The following NTRK1 variants were observed in gnomAD, a reference collection of about 807,000 sequenced individuals.
NTRK1 encodes the protein high affinity nerve growth factor receptor.
In NTRK1, 62 loss-of-function variants were observed where a neutral mutation model predicts 86.8. That is an observed-to-expected ratio of 0.71 (90% confidence interval 0.58 to 0.88). The LOEUF (loss-of-function observed/expected upper bound fraction) is 0.88. Among genes scored for constraint, NTRK1 ranks in the 40% least tolerant of loss-of-function variants. NTRK1 has a pLI of 0.00. For missense variants in NTRK1, 967 were observed against 1,078.4 expected (o/e 0.90, Z 1.45); for synonymous variants, 469 against 456.6 (o/e 1.03, Z -0.35).
chr1:156,846,988 A>T (rs1349901899), intron 2 of NTRK1, among the ~76,000 whole-genome samples: 1 of 152,212 alleles, frequency 6.6e-6, no homozygotes, highest in Non-Finnish European at 1.5e-5. Flanking sequence ...TTAGCAGGGA[A>T]TATCAAGTTC....
intron 1 of NTRK1, among the ~76,000 whole-genome samples, chr1:156,828,776 G>A (rs998526564): frequency 1.3e-5 from 2 of 152,238 alleles, no homozygotes; most frequent in African/African-American, 4.8e-5. Flanking sequence ...AATCCCGGAA[G>A]CCCTCTGAGC....
At chr1:156,837,534 AG>A (rs1387692975) in intron 1 of NTRK1, among the ~76,000 whole-genome samples, 1 of 152,218 alleles carries the variant, frequency 6.6e-6, no homozygotes, top group Non-Finnish European at 1.5e-5. Context: ...GTGCAAAGAA[AG>A]GGGGTGGACA....
At chr1:156,838,471 C>A (rs1412226472) in intron 1 of NTRK1, among the ~76,000 whole-genome samples, 1 of 151,738 alleles carries the variant, frequency 6.6e-6, no homozygotes, top group Non-Finnish European at 1.5e-5. Flanking sequence ...TACTGTTCTG[C>A]CTCTGTGGTA....
rs369193041 is a variant in NTRK1, at chr1:156,875,483, G to A, written c.1355-37G>A. The A allele has an allele frequency of 3.7e-4, 596 of 1,612,858 alleles. 1 individual carries two copies. The highest frequency in any genetic ancestry group is 4.4e-4 in the Non-Finnish European group (515 of 1,179,980). On this transcript the variant is annotated intron_variant, in intron 11 of 16. Coordinates refer to ENST00000524377, the MANE Select transcript of NTRK1 (RefSeq NM_002529.4). Reference sequence around the variant, plus strand: ...GCAAGGGTGGGCAGGGCCAAGGTGTGGGCAAACCCCTCCATGCGGCTGTGT... The same window carrying A: ...GCAAGGGTGGGCAGGGCCAAGGTGTAGGCAAACCCCTCCATGCGGCTGTGT...
intron 1 of NTRK1, among the ~76,000 whole-genome samples, chr1:156,835,337 G>A (rs532327760): frequency 2.0e-5 from 3 of 152,264 alleles, no homozygotes; most frequent in South Asian, 4.1e-4. Flanking sequence ...ATGTGACAGA[G>A]CCCGCGATAC....
intron 1 of NTRK1, among the ~76,000 whole-genome samples, chr1:156,819,066 T>G (rs111883670): frequency 0.07 from 10,660 of 151,952 alleles, 709 homozygotes; most frequent in African/African-American, 0.17. Flanking sequence ...GCAATGGCGC[T>G]ATCTCGGCTC....
At chr1:156,827,500 G>A (rs1257501117) in intron 1 of NTRK1, among the ~76,000 whole-genome samples, 1 of 152,086 alleles carries the variant, frequency 6.6e-6, no homozygotes, top group Non-Finnish European at 1.5e-5. Context: ...GACCTCAGGT[G>A]ATCCATACAC....
In NTRK1 at chr1:156,854,848, T is replaced by A. The variant is rs1056996788; in HGVS notation, c.51-9506T>A. On this transcript the variant is annotated intron_variant, in intron 2 of 16. Transcript: ENST00000392302. This position sits in a 1 kb window ranked among gnomAD's most constrained non-coding sequence, Gnocchi z 4.2. ...AGCCAGAGTGATCTCAAAACACAGATGGATCACGTTTCTCCTCTGCTTATA... is the reference window on the plus strand; with the variant it reads ...AGCCAGAGTGATCTCAAAACACAGAAGGATCACGTTTCTCCTCTGCTTATA... 6.6e-6 allele frequency among the ~76,000 whole-genome samples: 1 copy of A among 152,118 alleles called. No homozygotes were observed. The highest frequency in any genetic ancestry group is 2.4e-5 in the African/African-American group (1 of 41,418).
chr1:156,864,890 C>G (rs1267199079), intron 3 of NTRK1, 91 bp downstream of exon 3: 2 of 1,283,306 alleles, frequency 1.6e-6, no homozygotes, highest in Non-Finnish European at 1.1e-6. Flanking sequence ...GGAATGATTG[C>G]GAGGAGGGCC....
Position 156,854,439 on chromosome 1 carries a change from T to G in NTRK1, c.51-9915T>G. 1.0e-6 allele frequency: 1 copy of G among 962,652 alleles called. No individual in the cohort carries two copies. Among genetic ancestry groups the G allele is most frequent in the Non-Finnish European group, 1.5e-6 (1 of 665,134 alleles). 59.6% of individuals were successfully genotyped at this position (962,652 alleles called of 1,614,324 possible). A position where few individuals can be genotyped will look rare whatever the true frequency, so the allele number is the denominator to read the frequency against. ...GCCGGGCTCTGCTCTGGGTGTGGGG[T>G]GGCCTCCTTCCTGGGCCCCGGAGGG... On this transcript the variant is annotated intron_variant, in intron 2 of 16. Coordinates refer to the NTRK1 transcript ENST00000392302. This position sits in a 1 kb window ranked among gnomAD's most constrained non-coding sequence, Gnocchi z 4.2.
intron 1 of NTRK1, among the ~76,000 whole-genome samples, chr1:156,820,154 G>T (rs1390779293): frequency 6.6e-6 from 1 of 152,140 alleles, no homozygotes; most frequent in Non-Finnish European, 1.5e-5. Flanking sequence ...TTTTGTATAA[G>T]GAGAGAGATG....
intron 15 of NTRK1, 86 bp from the exon 16 acceptor site, chr1:156,879,913 T>C (rs1648153607): frequency 6.4e-7 from 1 of 1,558,964 alleles, no homozygotes; most frequent in African/African-American, 1.4e-5. Flanking sequence ...TGTGTATTTA[T>C]TTTTAATGAT....
At chr1:156,828,480 G>A (rs948315838) in intron 1 of NTRK1, among the ~76,000 whole-genome samples, 4 of 152,230 alleles carry the variant, frequency 2.6e-5, no homozygotes, top group Admixed American at 6.5e-5. Context: ...GAGGCAGCTC[G>A]TGCTGACTCC....
chr1:156,842,133 C>T, exon 2 of NTRK1: 1 of 1,614,062 alleles, frequency 6.2e-7, no homozygotes. Flanking sequence ...ACGGTGAAGT[C>T]CTGGGACACC....
intron 16 of NTRK1, 35 bp downstream of exon 16, chr1:156,880,192 T>C (rs1218598729): frequency 6.2e-7 from 1 of 1,609,148 alleles, no homozygotes; most frequent in African/African-American, 1.3e-5. Flanking sequence ...CTTGCTGGCC[T>C]CCCCGTCCCA....
intron 1 of NTRK1, among the ~76,000 whole-genome samples, chr1:156,824,795 T>C (rs918452579): frequency 1.3e-5 from 2 of 152,216 alleles, no homozygotes; most frequent in Admixed American, 6.5e-5. Context: ...CTCCATCCTT[T>C]ATCCACCATG....
In NTRK1 at chr1:156,843,088, C is replaced by T. The variant is rs56266370; in HGVS notation, c.50+895C>T. The stretch of plus-strand genomic sequence containing the variant: ...CCCGTGGGCTGGCCAGCTCATTCAC[C>T]GTCTTCAGGGCCACGGGTGTGGACT... On this transcript the variant is annotated intron_variant, in intron 2 of 16. Coordinates refer to the NTRK1 transcript ENST00000392302. 179 of 1,614,140 alleles carry T rather than the reference C, an allele frequency of 1.1e-4. No individual in the cohort carries two copies. In the Middle Eastern group the frequency reaches 1.6e-3, roughly 15 times the overall value.
chr1:156,860,105 C>G (rs1008861120), upstream of NTRK1, among the ~76,000 whole-genome samples: 44 of 152,278 alleles, frequency 2.9e-4, no homozygotes, highest in Non-Finnish European at 5.4e-4. Flanking sequence ...CAGCCCTGCC[C>G]TGCCTTGCCC....
intron 10 of NTRK1, 42 bp from the exon 11 acceptor site, chr1:156,874,864 C>T (rs1333764165): frequency 2.1e-6 from 3 of 1,448,586 alleles, no homozygotes; most frequent in Middle Eastern, 1.7e-4. Flanking sequence ...TCTGAGAGTA[C>T]AGGAGGAGCC....
Sources: allele counts gnomAD v4.1 joint callset (sites outside exome capture counted in the v4.1 genomes callset), GRCh38; gene constraint gnomAD v4.1.1; non-coding constraint Gnocchi (gnomAD v3.1); transcripts MANE v1.5; gene names NCBI Gene and HGNC (gene_info 2026-07-23, HGNC 2026-07-21).